The following MEGF9 variants were observed in gnomAD, a reference collection of about 807,000 sequenced individuals.
MEGF9 encodes the protein multiple EGF like domains 9.
A neutral mutation model predicts 46.8 loss-of-function variants in MEGF9; 6 were observed. The observed-to-expected ratio is 0.13, with a 90% CI of 0.07 to 0.25. The LOEUF (loss-of-function observed/expected upper bound fraction) is 0.25. Ranked by LOEUF, MEGF9 falls within the 10% of genes least tolerant of loss-of-function variation. The probability of loss-of-function intolerance (pLI) is 1.00; values close to 1 mark genes in which losing one functional copy is unlikely to be tolerated. For missense variants in MEGF9, 683 were observed against 792.4 expected (o/e 0.86, Z 1.66); for synonymous variants, 302 against 330.7 (o/e 0.91, Z 0.94).
intron 2 of MEGF9, among the ~76,000 whole-genome samples, chr9:120,655,375 T>C (rs2043671772): frequency 6.6e-6 from 1 of 152,256 alleles, no homozygotes; most frequent in African/African-American, 2.4e-5. Context: ...TACAGGTTTG[T>C]AGCCTAGAAG....
chr9:120,713,668 C>T lies in MEGF9; in HGVS notation c.601+90G>A, dbSNP rs146178924. On this transcript the variant is annotated intron_variant, in intron 1 of 5. Transcript: ENST00000373930. ...GGAACCTGGGGTGTCTTTGGGGTAA[C>T]AAACGATAAATTATAGGCAAGAGCC... 20 of 1,234,810 alleles carry T rather than the reference C, an allele frequency of 1.6e-5. No homozygotes were observed. In the East Asian group the frequency reaches 5.9e-4, roughly 37 times the overall value. The allele number at this position is 1,234,810 out of a possible 1,614,324, so 76.5% of individuals were successfully genotyped here.
At chr9:120,690,197 A>G (rs1233396504) in intron 1 of MEGF9, among the ~76,000 whole-genome samples, 1 of 152,222 alleles carries the variant, frequency 6.6e-6, no homozygotes, top group Non-Finnish European at 1.5e-5. Flanking sequence ...ATGGCATACA[A>G]AACTTTGGGG....
In MEGF9 at chr9:120,602,824, G is replaced by C. The variant is rs960380278; in HGVS notation, c.*2366C>G. ...GTATGCCATTTTGCACAATTTCTTA[G>C]AATTGTGCAGTCTGTACACACATAT... On this transcript the variant is annotated 3_prime_UTR_variant, in exon 6 of 6. Transcript: ENST00000373930. 30 of 152,228 alleles carry C rather than the reference G, an allele frequency of 2.0e-4. No individual in the cohort carries two copies. Among genetic ancestry groups the C allele is most frequent in the Admixed American group, 2.0e-3 (30 of 15,274 alleles). The allele number at this position is 152,228 out of a possible 1,614,324, so 9.4% of individuals were successfully genotyped here.
At chr9:120,645,755 G>A (rs2043623468) in intron 2 of MEGF9, among the ~76,000 whole-genome samples, 1 of 152,150 alleles carries the variant, frequency 6.6e-6, no homozygotes, top group Non-Finnish European at 1.5e-5. Context: ...TACCCTCAAA[G>A]GCCTCCTTAT....
intron 1 of MEGF9, among the ~76,000 whole-genome samples, chr9:120,694,041 A>C (rs1007092582): frequency 6.6e-6 from 1 of 152,208 alleles, no homozygotes; most frequent in African/African-American, 2.4e-5. Flanking sequence ...AAAACTGAAG[A>C]GAGTAGTAAA....
At chr9:120,681,369 A>G (rs7024107) in intron 1 of MEGF9, among the ~76,000 whole-genome samples, 6,216 of 152,130 alleles carry the variant, frequency 0.041, 420 homozygotes, top group African/African-American at 0.14. Flanking sequence ...TCTGCTTGAT[A>G]CCCTATACTA....
At chr9:120,631,661 T>C (rs1308851931) in intron 2 of MEGF9, among the ~76,000 whole-genome samples, 1 of 151,712 alleles carries the variant, frequency 6.6e-6, no homozygotes, top group Admixed American at 6.6e-5. Flanking sequence ...ATTTTTGTAA[T>C]TTTAGTAGAA....
At chr9:120,696,205 C>T (rs574638787) in intron 1 of MEGF9, among the ~76,000 whole-genome samples, 1 of 152,336 alleles carries the variant, frequency 6.6e-6, no homozygotes, top group South Asian at 2.1e-4. Flanking sequence ...TAATAAATTT[C>T]AATCCTGATT....
intron 1 of MEGF9, among the ~76,000 whole-genome samples, chr9:120,693,381 T>C (rs910886007): frequency 6.6e-6 from 1 of 151,450 alleles, no homozygotes; most frequent in Non-Finnish European, 1.5e-5. Flanking sequence ...AGCAACAGCA[T>C]CCTGCTGCTT....
At chr9:120,693,340 TG>T (rs1291463274) in intron 1 of MEGF9, among the ~76,000 whole-genome samples, 1 of 150,264 alleles carries the variant, frequency 6.7e-6, no homozygotes. Context: ...ATGATACCAT[TG>T]CAGATTGGTT....
chr9:120,686,887 A>G (rs1447365600), intron 1 of MEGF9, among the ~76,000 whole-genome samples: 2 of 152,222 alleles, frequency 1.3e-5, no homozygotes, highest in African/African-American at 2.4e-5. Flanking sequence ...TTGGTTGGCA[A>G]TGGTAAACAG....
intron 2 of MEGF9, among the ~76,000 whole-genome samples, chr9:120,629,456 A>G (rs931526280): frequency 4.6e-5 from 7 of 152,170 alleles, no homozygotes; most frequent in Non-Finnish European, 7.3e-5. Context: ...CCTGGCTAAC[A>G]TGGCAAAACA....
intron 1 of MEGF9, among the ~76,000 whole-genome samples, chr9:120,708,629 T>C (rs1308142022): frequency 6.6e-6 from 1 of 152,218 alleles, no homozygotes; most frequent in South Asian, 2.1e-4. Context: ...TTATCCTTTA[T>C]CTTCCAAATT....
In MEGF9 at chr9:120,605,709, A is replaced by AAT. The variant is rs1683159623; in HGVS notation, c.1358-70_1358-69dup. 2.6e-6 allele frequency: 3 copies of AAT among 1,147,612 alleles called. No individual in the cohort carries two copies. In the Admixed American group the frequency reaches 7.7e-5, roughly 30 times the overall value. The allele number at this position is 1,147,612 out of a possible 1,614,324, so 71.1% of individuals were successfully genotyped here. A position where few individuals can be genotyped will look rare whatever the true frequency, so the allele number is the denominator to read the frequency against. On this transcript the variant is annotated intron_variant, in intron 5 of 5. Transcript: ENST00000373930. The surrounding 1 kb of genome is among the most constrained non-coding windows in gnomAD (Gnocchi z 4.0). ...TCTAGTTTTGAGAAACAATAAAAGA[A>AAT]ATACGCATGGGAGTGAATGTTGATG...
At chr9:120,705,603 T>C (rs1381471188) in intron 1 of MEGF9, among the ~76,000 whole-genome samples, 1 of 151,964 alleles carries the variant, frequency 6.6e-6, no homozygotes, top group African/African-American at 2.4e-5. Context: ...TAATTATCTG[T>C]AGAACAGTGG....
At chr9:120,635,541 G>A (rs1167479561) in intron 2 of MEGF9, among the ~76,000 whole-genome samples, 1 of 150,798 alleles carries the variant, frequency 6.6e-6, no homozygotes, top group African/African-American at 2.4e-5. Context: ...CTCTGACTAG[G>A]TAATTTCGAA....
At chr9:120,680,284 T>C (rs1307103430) in intron 1 of MEGF9, among the ~76,000 whole-genome samples, 5 of 152,194 alleles carry the variant, frequency 3.3e-5, no homozygotes, top group Admixed American at 2.6e-4. Context: ...GTCTCCACAG[T>C]CTGGGCTTGT....
At chr9:120,616,365 T>G (rs2043472554) in intron 3 of MEGF9, among the ~76,000 whole-genome samples, 1 of 151,992 alleles carries the variant, frequency 6.6e-6, no homozygotes, top group Admixed American at 6.6e-5. Context: ...AACTCCTCTG[T>G]GAGAGGCAAC....
At chr9:120,703,799 C>G (rs2043915686) in intron 1 of MEGF9, among the ~76,000 whole-genome samples, 1 of 151,678 alleles carries the variant, frequency 6.6e-6, no homozygotes, top group Non-Finnish European at 1.5e-5. Flanking sequence ...ATGGTGAAAC[C>G]CTGTCTCTAC....
Sources: gnomAD v4.1 joint callset for allele counts (sites outside exome capture counted in the v4.1 genomes callset) on GRCh38, gnomAD v4.1.1 for gene constraint, Gnocchi (gnomAD v3.1) non-coding constraint, MANE v1.5 for transcripts, NCBI Gene and HGNC (gene_info 2026-07-23, HGNC 2026-07-21) for gene names.